Variants in SGCZ observed in about 807,000 individuals in gnomAD.
SGCZ encodes the protein sarcoglycan zeta.
In SGCZ, 40 loss-of-function variants were observed where a neutral mutation model predicts 41.3. That is an observed-to-expected ratio of 0.97 (90% CI 0.75 to 1.26). The LOEUF is 1.26. SGCZ is among the 50% of genes most tolerant of loss of function. The pLI is 0.00. For synonymous variants in SGCZ, 206 were observed against 137.5 expected, an observed-to-expected ratio of 1.50 and a Z score of -3.49; for missense variants, 552 against 369.8, an observed-to-expected ratio of 1.49 and a Z score of -4.04.
At chr8:14,175,376 G>A (rs1294871303) in intron 4 of SGCZ, among the ~76,000 whole-genome samples, 2 of 152,054 alleles carry the variant, frequency 1.3e-5, no homozygotes, top group Non-Finnish European at 2.9e-5. Flanking sequence ...GGAAAAATAT[G>A]AGTAGATGTA....
rs138489906 is a variant in SGCZ, at chr8:14,604,686, C to T, written c.40-49760G>A. ...GTTTCCAGTATTAACCCATTATAAA[C>T]GCAGACTGCTCTAAGTCTTTCAGAA... On this transcript the variant is annotated intron_variant, in intron 1 of 7. Transcript: ENST00000382080. Among the ~76,000 whole-genome samples the T allele has an allele frequency of 7.9e-5, 12 of 152,184 alleles. No homozygotes were observed. In the East Asian group the frequency reaches 1.7e-3, roughly 22 times the overall value.
chr8:15,127,858 T>C (rs1380415732), intron 1 of SGCZ, among the ~76,000 whole-genome samples: 4 of 152,208 alleles, frequency 2.6e-5, no homozygotes, highest in African/African-American at 9.7e-5. Flanking sequence ...ATTTCCAGTT[T>C]TGACATGTAA....
chr8:14,695,010 G>T (rs1808911661), intron 1 of SGCZ, among the ~76,000 whole-genome samples: 1 of 152,128 alleles, frequency 6.6e-6, no homozygotes, highest in Non-Finnish European at 1.5e-5. Flanking sequence ...AATATGACAA[G>T]GGATAAAAGA....
chr8:14,498,374 G>C (rs1202722303), intron 2 of SGCZ, among the ~76,000 whole-genome samples: 1 of 152,038 alleles, frequency 6.6e-6, no homozygotes, highest in East Asian at 1.9e-4. Flanking sequence ...TTAGAATTCT[G>C]ATACATTTTG....
chr8:14,745,973 T>C (rs1400572359), intron 1 of SGCZ, among the ~76,000 whole-genome samples: 1 of 152,154 alleles, frequency 6.6e-6, no homozygotes, highest in African/African-American at 2.4e-5. Context: ...CTTAGAGTTG[T>C]AAGTTACAGA....
In SGCZ at chr8:14,562,926, G is replaced by A. The variant is rs181635728; in HGVS notation, c.40-8000C>T. On this transcript the variant is annotated intron_variant, in intron 1 of 7. Transcript: ENST00000382080. ...TGGTAGCAGAGGAACTAGAGACAATGTCAGCAAATCACCCAGTCAACTGGG... is the reference window on the plus strand; with the variant it reads ...TGGTAGCAGAGGAACTAGAGACAATATCAGCAAATCACCCAGTCAACTGGG... Among the ~76,000 whole-genome samples the A allele has an allele frequency of 1.3e-5, 2 of 152,306 alleles. 1 individual carries two copies. Among genetic ancestry groups the A allele is most frequent in the Non-Finnish European group, 2.9e-5 (2 of 68,026 alleles).
In SGCZ at chr8:15,051,945, A is replaced by G. The variant is rs1804530228; in HGVS notation, c.39+185640T>C. 2.0e-5 allele frequency among the ~76,000 whole-genome samples: 3 copies of G among 152,308 alleles called. 1 individual carries two copies. In the South Asian group the frequency reaches 6.2e-4, roughly 32 times the overall value. On this transcript the variant is annotated intron_variant, in intron 1 of 7. Transcript: ENST00000382080. ...CCAAAAGACTGGAAGGCTGCAGTGGAAAAGAGGAAGAACTAATGAGAGATG... is the reference window on the plus strand; with the variant it reads ...CCAAAAGACTGGAAGGCTGCAGTGGGAAAGAGGAAGAACTAATGAGAGATG...
At chr8:14,521,526 T>G (rs555156945) in intron 2 of SGCZ, among the ~76,000 whole-genome samples, 21 of 152,240 alleles carry the variant, frequency 1.4e-4, no homozygotes, top group African/African-American at 4.8e-4. Context: ...ACAGTGCCAA[T>G]GTACCCAGTT....
chr8:14,981,127 T>C (rs1477600997), intron 1 of SGCZ, among the ~76,000 whole-genome samples: 1 of 152,180 alleles, frequency 6.6e-6, no homozygotes, highest in East Asian at 1.9e-4. Context: ...ATAGAGCACA[T>C]TCCCTTAGCC....
chr8:15,196,010 G>A lies in SGCZ; in HGVS notation c.39+41575C>T, dbSNP rs535337300. On this transcript the variant is annotated intron_variant, in intron 1 of 7. Transcript: ENST00000382080. ...CCTCCCGGGTTCACGCCATTCTCCT[G>A]CCTCAGCCTCCCGAGTAGCTGGGAC... Among the ~76,000 whole-genome samples, 795 of 138,640 alleles carry A rather than the reference G, an allele frequency of 5.7e-3. 37 individuals are homozygous for A. The highest frequency in any genetic ancestry group is 0.021 in the African/African-American group (765 of 36,784). 91.0% of individuals were successfully genotyped at this position (138,640 alleles called of 152,430 possible).
At chr8:14,936,168 A>G (rs1253951261) in intron 1 of SGCZ, among the ~76,000 whole-genome samples, 3 of 151,962 alleles carry the variant, frequency 2.0e-5, no homozygotes, top group African/African-American at 4.8e-5. Flanking sequence ...GCGGAAAGGT[A>G]TCCAATAAGC....
intron 1 of SGCZ, among the ~76,000 whole-genome samples, chr8:15,071,440 A>G (rs1480173347): frequency 1.3e-5 from 2 of 152,224 alleles, no homozygotes; most frequent in South Asian, 2.1e-4. Context: ...TTTATTATGC[A>G]TGTCATACTA....
intron 2 of SGCZ, among the ~76,000 whole-genome samples, chr8:14,483,327 T>G (rs1038902922): frequency 9.2e-5 from 14 of 152,218 alleles, no homozygotes; most frequent in African/African-American, 3.4e-4. Flanking sequence ...CCCAACACTT[T>G]GGGAGGCATA....
At chr8:14,736,451 C>A (rs531467072) in intron 1 of SGCZ, among the ~76,000 whole-genome samples, 1 of 152,180 alleles carries the variant, frequency 6.6e-6, no homozygotes, top group African/African-American at 2.4e-5. Flanking sequence ...GCTATAAAAT[C>A]AAAATAAATG....
chr8:14,496,451 T>C (rs767248276), intron 2 of SGCZ, among the ~76,000 whole-genome samples: 2 of 152,154 alleles, frequency 1.3e-5, no homozygotes, highest in Non-Finnish European at 2.9e-5. Flanking sequence ...TTGAGTATTT[T>C]CTTCCCATAC....
rs962467442 is a variant in SGCZ, at chr8:14,147,534, G to A, written c.547+17046C>T. 5.9e-5 allele frequency among the ~76,000 whole-genome samples: 9 copies of A among 152,186 alleles called. No homozygotes were observed. In the East Asian group the frequency reaches 1.7e-3, roughly 29 times the overall value. On this transcript the variant is annotated intron_variant, in intron 5 of 7. Coordinates refer to ENST00000382080, the MANE Select transcript of SGCZ (RefSeq NM_139167.4). The stretch of plus-strand genomic sequence containing the variant: ...GGATATAACAATTTTAAATAGATCT[G>A]CACCCAACACTGGGACATCCAAATA...
At chr8:14,416,658 T>G (rs1799501828) in intron 2 of SGCZ, among the ~76,000 whole-genome samples, 1 of 151,910 alleles carries the variant, frequency 6.6e-6, no homozygotes, top group Non-Finnish European at 1.5e-5. Context: ...TTACTTGGAT[T>G]CAGAAATAAA....
intron 1 of SGCZ, among the ~76,000 whole-genome samples, chr8:14,996,952 T>G (rs967953211): frequency 2.0e-5 from 3 of 152,206 alleles, no homozygotes; most frequent in Non-Finnish European, 4.4e-5. Flanking sequence ...GGGCCCCTAA[T>G]TACTACTCTA....
intron 1 of SGCZ, among the ~76,000 whole-genome samples, chr8:15,121,767 A>G (rs1412485033): frequency 6.6e-6 from 1 of 152,158 alleles, no homozygotes; most frequent in Non-Finnish European, 1.5e-5. Context: ...AACCAAGAAG[A>G]CATCATAAAG....
Sources: gnomAD v4.1 joint callset for allele counts (sites outside exome capture counted in the v4.1 genomes callset) on GRCh38, gnomAD v4.1.1 for gene constraint, MANE v1.5 for transcripts, NCBI Gene and HGNC (gene_info 2026-07-23, HGNC 2026-07-21) for gene names.